Variants in SLCO5A1 observed in about 807,000 individuals in gnomAD.
SLCO5A1 encodes solute carrier organic anion transporter family member 5A1, also known as organic anion transporter polypeptide-related protein 4.
A neutral mutation model predicts 65.1 loss-of-function variants in SLCO5A1; 39 were observed. The observed-to-expected ratio is 0.60, with a 90% CI of 0.46 to 0.78. SLCO5A1 has a LOEUF of 0.78. Among genes scored for constraint, SLCO5A1 ranks in the 30% least tolerant of loss-of-function variants. SLCO5A1 has a pLI of 0.00. For synonymous variants in SLCO5A1, 438 were observed against 415.7 expected (o/e 1.05, Z -0.65); for missense variants, 1,029 against 1,069.4 (o/e 0.96, Z 0.53).
chr8:69,763,170 G>A (rs1385904593), intron 2 of SLCO5A1, among the ~76,000 whole-genome samples: 2 of 151,824 alleles, frequency 1.3e-5, no homozygotes, highest in Non-Finnish European at 2.9e-5. Context: ...TTAGCTGGGT[G>A]TGGTGGCACG....
At chr8:69,798,677 A>C (rs1168412249) in intron 2 of SLCO5A1, among the ~76,000 whole-genome samples, 1 of 152,182 alleles carries the variant, frequency 6.6e-6, no homozygotes, top group Non-Finnish European at 1.5e-5. Context: ...ACAATTCGAC[A>C]TGAGATTTGG....
intron 6 of SLCO5A1, among the ~76,000 whole-genome samples, chr8:69,687,775 TTC>T (rs2130794691): frequency 6.6e-6 from 1 of 152,006 alleles, no homozygotes; most frequent in East Asian, 1.9e-4. Context: ...AAGTTTTAAA[TTC>T]TGTTTTGTCT....
intron 2 of SLCO5A1, among the ~76,000 whole-genome samples, chr8:69,780,785 C>A (rs1255677333): frequency 1.3e-5 from 2 of 151,818 alleles, no homozygotes; most frequent in South Asian, 2.1e-4. Context: ...ACCTAAGACA[C>A]CATAAAATTA....
At chr8:69,716,180 T>C (rs780983632) in intron 5 of SLCO5A1, among the ~76,000 whole-genome samples, 5 of 152,248 alleles carry the variant, frequency 3.3e-5, no homozygotes, top group Non-Finnish European at 7.3e-5. Context: ...AAATAACATT[T>C]CATTGCATTT....
At chr8:69,681,257 G>C (rs545162880) in intron 7 of SLCO5A1, among the ~76,000 whole-genome samples, 1 of 152,174 alleles carries the variant, frequency 6.6e-6, no homozygotes, top group Non-Finnish European at 1.5e-5. Context: ...AAGCAACTTC[G>C]TACAATCTGT....
rs545141987 is a variant in SLCO5A1 at position 69,729,399 on chromosome 8, G to A, written c.1423+8641C>T. Among the ~76,000 whole-genome samples, 335 of 136,736 alleles carry A rather than the reference G, an allele frequency of 2.4e-3. 1 individual carries two copies. The highest frequency in any genetic ancestry group is 3.5e-3 in the African/African-American group (126 of 36,134). 89.7% of individuals were successfully genotyped at this position (136,736 alleles called of 152,430 possible). On this transcript the variant is annotated intron_variant, in intron 5 of 9. Coordinates refer to ENST00000260126, the MANE Select transcript of SLCO5A1 (RefSeq NM_030958.3). ...GCGGAACTTGCAGTGAGCCGAGATC[G>A]TGCCACTGCAGTCCGGCCTGGGCGA...
chr8:69,679,084 T>C (rs1813661462), intron 8 of SLCO5A1, among the ~76,000 whole-genome samples: 1 of 152,152 alleles, frequency 6.6e-6, no homozygotes. Flanking sequence ...AAGTTGAACC[T>C]CGTAGGGCAG....
intron 5 of SLCO5A1, among the ~76,000 whole-genome samples, chr8:69,736,603 G>A (rs1411927093): frequency 6.6e-6 from 1 of 152,170 alleles, no homozygotes; most frequent in Non-Finnish European, 1.5e-5. Context: ...AGGTTTCATG[G>A]TCAAATGACT....
At chr8:69,688,485 G>A (rs183095323) in intron 6 of SLCO5A1, among the ~76,000 whole-genome samples, 3,791 of 147,898 alleles carry the variant, frequency 0.026, 143 homozygotes, top group African/African-American at 0.087. Context: ...ATCCCTCCCC[G>A]CTCCCCCCAC....
chr8:69,679,048 G>A (rs1365137190), intron 8 of SLCO5A1, among the ~76,000 whole-genome samples: 1 of 152,208 alleles, frequency 6.6e-6, no homozygotes, highest in Non-Finnish European at 1.5e-5. Context: ...TCTCACAGCT[G>A]ACAGAGTGAT....
intron 2 of SLCO5A1, chr8:69,794,671 A>C: frequency 3.1e-6 from 1 of 321,124 alleles, no homozygotes; most frequent in Non-Finnish European, 6.3e-6. Context: ...TATTTGTGGC[A>C]GATTGCCTTT....
At position 69,735,386 on chromosome 8, in the gene SLCO5A1, A is replaced by G. The variant is rs573581390; in HGVS notation, c.1423+2654T>C. On this transcript the variant is annotated intron_variant, in intron 5 of 9. Coordinates refer to ENST00000260126, the MANE Select transcript of SLCO5A1 (RefSeq NM_030958.3). ...CGTGCACACGTATGTTCATTGCAGC[A>G]TTATTTACAATAGCAAAGACATGGA... 3.9e-5 allele frequency among the ~76,000 whole-genome samples: 6 copies of G among 152,362 alleles called. No individual in the cohort carries two copies. In the East Asian group the frequency reaches 9.6e-4, roughly 24 times the overall value.
chr8:69,769,721 A>G (rs1188920784), intron 2 of SLCO5A1, among the ~76,000 whole-genome samples: 1 of 152,126 alleles, frequency 6.6e-6, no homozygotes, highest in African/African-American at 2.4e-5. Flanking sequence ...GGTTTTTGTG[A>G]CAGGCTGGGG....
chr8:69,827,466 T>A (rs918474166), intron 2 of SLCO5A1, among the ~76,000 whole-genome samples: 1 of 152,158 alleles, frequency 6.6e-6, no homozygotes, highest in African/African-American at 2.4e-5. Flanking sequence ...TACGACCACA[T>A]CTCTTCTACA....
intron 2 of SLCO5A1, among the ~76,000 whole-genome samples, chr8:69,771,560 A>T (rs889047120): frequency 1.3e-5 from 2 of 152,012 alleles, no homozygotes; most frequent in African/African-American, 4.8e-5. Context: ...GTCTTCTTAC[A>T]TGATCTTGTT....
intron 4 of SLCO5A1, among the ~76,000 whole-genome samples, chr8:69,752,368 A>G (rs1266007424): frequency 6.6e-6 from 1 of 152,178 alleles, no homozygotes; most frequent in Non-Finnish European, 1.5e-5. Context: ...TCATTTTTTA[A>G]GGCAAGACCT....
chr8:69,690,569 A>G (rs1190884859), intron 6 of SLCO5A1, among the ~76,000 whole-genome samples: 1 of 152,246 alleles, frequency 6.6e-6, no homozygotes, highest in Non-Finnish European at 1.5e-5. Flanking sequence ...ATGTTGTCCT[A>G]CGGTAAAATC....
intron 6 of SLCO5A1, among the ~76,000 whole-genome samples, chr8:69,703,656 G>C (rs1299078882): frequency 6.6e-6 from 1 of 152,234 alleles, no homozygotes; most frequent in Non-Finnish European, 1.5e-5. Flanking sequence ...AGACACTGTA[G>C]CCAAATTGCC....
At chr8:69,740,250 G>A (rs961285919) in intron 4 of SLCO5A1, among the ~76,000 whole-genome samples, 1 of 152,192 alleles carries the variant, frequency 6.6e-6, no homozygotes, top group African/African-American at 2.4e-5. Context: ...CCCTCCAGGA[G>A]TTGGGGTGGG....
Sources: gnomAD v4.1 joint callset for allele counts (sites outside exome capture counted in the v4.1 genomes callset) on GRCh38, gnomAD v4.1.1 for gene constraint, MANE v1.5 for transcripts, NCBI Gene and HGNC (gene_info 2026-07-23, HGNC 2026-07-21) for gene names.